TSPAN11: variants seen among roughly 807,000 people sequenced by gnomAD.
TSPAN11 encodes tetraspanin-11.
TSPAN11 carries 29 observed loss-of-function variants against 32.9 expected under a neutral mutation model. The ratio of observed to expected loss-of-function variants is 0.88; its 90% CI spans 0.66 to 1.20. The LOEUF is 1.20. Among genes scored for constraint, TSPAN11 ranks in the 50% most tolerant of loss-of-function variants. TSPAN11 has a pLI of 0.00. For missense variants in TSPAN11, 283 were observed against 329.1 expected, an observed-to-expected ratio of 0.86 and a Z score of 1.08; for synonymous variants, 140 against 141.3, an observed-to-expected ratio of 0.99 and a Z score of 0.07.
At chr12:31,010,688 T>C in the TSPAN11 span, among the ~76,000 whole-genome samples, 1 of 152,010 alleles carries the variant, frequency 6.6e-6, no homozygotes, top group South Asian at 2.1e-4. Context: ...CCCAGCTACA[T>C]GAGAGGCTGA....
At chr12:30,942,358 A>G (rs1361476653) in intron 1 of TSPAN11, among the ~76,000 whole-genome samples, 1 of 152,184 alleles carries the variant, frequency 6.6e-6, no homozygotes, top group Non-Finnish European at 1.5e-5. Flanking sequence ...TCTGGAGGTC[A>G]CAGGATTTGT....
chr12:30,947,096 A>C (rs1028312866), intron 1 of TSPAN11, among the ~76,000 whole-genome samples: 1 of 152,214 alleles, frequency 6.6e-6, no homozygotes, highest in Non-Finnish European at 1.5e-5. Context: ...CCCTCCGTTC[A>C]CTGGCAGGGG....
intron 5 of TSPAN11, among the ~76,000 whole-genome samples, chr12:30,981,593 G>A (rs899395377): frequency 6.6e-6 from 1 of 152,206 alleles, no homozygotes; most frequent in African/African-American, 2.4e-5. Context: ...CCTCGACTCC[G>A]GGGGCCCCTG....
chr12:30,940,975 A>G (rs1938148669), intron 1 of TSPAN11, among the ~76,000 whole-genome samples: 1 of 152,174 alleles, frequency 6.6e-6, no homozygotes, highest in Non-Finnish European at 1.5e-5. Flanking sequence ...TCAGAGGTGG[A>G]ACAGTTTCAT....
the TSPAN11 span, among the ~76,000 whole-genome samples, chr12:31,013,997 T>C: frequency 2.6e-5 from 4 of 152,248 alleles, no homozygotes. Context: ...AAAATGACCA[T>C]ATTTTGGATA....
At chr12:30,982,472 C>A in intron 5 of TSPAN11, 60 bp from the exon 6 acceptor site, 2 of 1,553,132 alleles carry the variant, frequency 1.3e-6, no homozygotes, top group Non-Finnish European at 1.7e-6. Context: ...ATGTGTCCTG[C>A]AGCCTGGGAC....
chr12:31,012,595 C>T, the TSPAN11 span: 1 of 152,232 alleles, frequency 6.6e-6, no homozygotes, highest in Non-Finnish European at 1.5e-5. Context: ...CTCCTCCTAA[C>T]TCAGGCTTCC....
At chr12:30,965,753 C>T (rs747560907) in intron 3 of TSPAN11, among the ~76,000 whole-genome samples, 8 of 152,148 alleles carry the variant, frequency 5.3e-5, no homozygotes, top group Non-Finnish European at 1.0e-4. Context: ...TGTGTATGGA[C>T]GGGGAAGAAA....
intron 1 of TSPAN11, among the ~76,000 whole-genome samples, chr12:30,939,457 TGAAACA>T (rs1306946226): frequency 2.0e-5 from 3 of 152,218 alleles, no homozygotes; most frequent in Non-Finnish European, 4.4e-5. Flanking sequence ...TCACAGTTTC[TGAAACA>T]GAGACAGGAT....
chr12:30,940,908 A>C (rs1019787674), intron 1 of TSPAN11, among the ~76,000 whole-genome samples: 5 of 152,202 alleles, frequency 3.3e-5, no homozygotes, highest in African/African-American at 1.2e-4. Context: ...CCTATTATGA[A>C]TTCACATGTG....
At chr12:30,930,917 C>T (rs1234990662) in intron 1 of TSPAN11, among the ~76,000 whole-genome samples, 1 of 152,212 alleles carries the variant, frequency 6.6e-6, no homozygotes, top group African/African-American at 2.4e-5. Flanking sequence ...CCTCACCCTC[C>T]CTCTCTCACT....
At chr12:30,941,988 G>C (rs1389822258) in intron 1 of TSPAN11, among the ~76,000 whole-genome samples, 1 of 152,216 alleles carries the variant, frequency 6.6e-6, no homozygotes, top group East Asian at 1.9e-4. Flanking sequence ...GTTTTCTCCA[G>C]GTAGATTTTT....
the TSPAN11 span, among the ~76,000 whole-genome samples, chr12:31,002,917 C>G: frequency 2.6e-5 from 4 of 152,168 alleles, no homozygotes; most frequent in Non-Finnish European, 4.4e-5. This position sits in a 1 kb window ranked among gnomAD's most constrained non-coding sequence, Gnocchi z 4.8. Context: ...GACACCGCTC[C>G]AGCTGCGGGC....
At chr12:30,979,752 T>C (rs1458226519) in intron 5 of TSPAN11, 82 bp downstream of exon 5, 1 of 1,420,994 alleles carries the variant, frequency 7.0e-7, no homozygotes, top group African/African-American at 1.4e-5. Flanking sequence ...TGGGTGACCC[T>C]AGGCAAGTTA....
the TSPAN11 span, among the ~76,000 whole-genome samples, chr12:31,003,373 CA>C: frequency 2.6e-4 from 39 of 152,226 alleles, no homozygotes; most frequent in African/African-American, 8.9e-4. Context: ...ATGAAACTGC[CA>C]AGCACTGGGT....
At chr12:30,963,094 C>G (rs538323117) in intron 2 of TSPAN11, among the ~76,000 whole-genome samples, 1 of 151,138 alleles carries the variant, frequency 6.6e-6, no homozygotes, top group East Asian at 2.2e-4. Context: ...CTTCTCAGGA[C>G]CAAAGGGGAA....
At chr12:30,944,606 C>G (rs1179487821) in intron 1 of TSPAN11, among the ~76,000 whole-genome samples, 1 of 152,070 alleles carries the variant, frequency 6.6e-6, no homozygotes, top group Non-Finnish European at 1.5e-5. Context: ...TCACAATAGC[C>G]AAGATATGGA....
rs1487826206 is a variant in TSPAN11, at chr12:30,991,860, G to A, written c.707G>A (p.Cys236Tyr). ...VGIGVACLQI[C>Y]GMVLTCCLHQ... ...TCTGCTCTCTCCACCTGGCAGATCTGCGGGATGGTTCTCACCTGCTGCTTG... is the reference window on the plus strand; with the variant it reads ...TCTGCTCTCTCCACCTGGCAGATCTACGGGATGGTTCTCACCTGCTGCTTG... The change falls in exon 8 of 8, where the codon TGC (cysteine) becomes TAC (tyrosine). Residue 236 changes from cysteine to tyrosine, a missense_variant. Transcript: ENST00000546076. 6.2e-7 allele frequency: 1 copy of A among 1,614,040 alleles called. No individual in the cohort carries two copies.
rs1939045837 is a variant in TSPAN11 at position 30,979,557 on chromosome 12, C to G, written c.352-9C>G. The stretch of plus-strand genomic sequence containing the variant: ...CCGCTGATGGGGACTTCGCTCCTAC[C>G]CTCCTCAGCTGAGTGATGAACTGAA... On this transcript the variant is annotated splice_polypyrimidine_tract_variant and intron_variant, in intron 4 of 7. Coordinates refer to ENST00000546076, the MANE Select transcript of TSPAN11 (RefSeq NM_001370302.1). 6.2e-7 allele frequency: 1 copy of G among 1,613,832 alleles called. No homozygotes were observed. The highest frequency in any genetic ancestry group is 1.7e-5 in the Admixed American group (1 of 59,948).
Sources: gnomAD v4.1 joint callset for allele counts (sites outside exome capture counted in the v4.1 genomes callset) on GRCh38, gnomAD v4.1.1 for gene constraint, Gnocchi (gnomAD v3.1) non-coding constraint, MANE v1.5 for transcripts, NCBI Gene and HGNC (gene_info 2026-07-23, HGNC 2026-07-21) for gene names.